Variants in STX8 observed in about 807,000 individuals in gnomAD.
The protein encoded by STX8 is syntaxin-8.
In STX8, 23 loss-of-function variants were observed where a neutral mutation model predicts 37.5. That is an observed-to-expected ratio of 0.61 (90% confidence interval 0.44 to 0.87). The LOEUF is 0.87. Among genes scored for constraint, STX8 ranks in the 40% least tolerant of loss-of-function variants. The probability of loss-of-function intolerance (pLI) is 0.00; values close to 1 mark genes in which losing one functional copy is unlikely to be tolerated. For synonymous variants in STX8, 115 were observed against 99.1 expected, an observed-to-expected ratio of 1.16 and a Z score of -0.95; for missense variants, 313 against 284.7, an observed-to-expected ratio of 1.10 and a Z score of -0.71.
chr17:9,571,313 T>C (rs1239705401), intron 1 of STX8, among the ~76,000 whole-genome samples: 1 of 152,168 alleles, frequency 6.6e-6, no homozygotes, highest in Non-Finnish European at 1.5e-5. Flanking sequence ...GCATTCTGAC[T>C]CAACTGGTAT....
intron 7 of STX8, among the ~76,000 whole-genome samples, chr17:9,314,692 G>A (rs1909320336): frequency 6.6e-6 from 1 of 150,784 alleles, no homozygotes; most frequent in Admixed American, 6.6e-5. Flanking sequence ...ACAGGCATGA[G>A]CCACCATGCC....
chr17:9,280,325 C>G (rs1288475107), intron 7 of STX8, among the ~76,000 whole-genome samples: 1 of 152,126 alleles, frequency 6.6e-6, no homozygotes, highest in East Asian at 1.9e-4. Context: ...TTTGGGAGAC[C>G]AAGGCGGGTG....
At chr17:9,509,625 T>C (rs1019837326) in intron 4 of STX8, among the ~76,000 whole-genome samples, 1 of 151,686 alleles carries the variant, frequency 6.6e-6, no homozygotes, top group Non-Finnish European at 1.5e-5. Flanking sequence ...GTAGAGCCAA[T>C]ATACAAAGGA....
chr17:9,384,126 A>T (rs115163563), intron 6 of STX8, among the ~76,000 whole-genome samples: 2,864 of 139,534 alleles, frequency 0.021, 86 homozygotes, highest in African/African-American at 0.073. Context: ...CTCATTTGTT[A>T]TTTTTTTTTT....
chr17:9,528,492 T>C (rs1567598598), intron 4 of STX8, among the ~76,000 whole-genome samples: 1 of 152,120 alleles, frequency 6.6e-6, no homozygotes, highest in Admixed American at 6.5e-5. Flanking sequence ...GAGATGTATT[T>C]AGTAGAGAGT....
chr17:9,298,195 T>C (rs1239092036), intron 7 of STX8, among the ~76,000 whole-genome samples: 1 of 152,120 alleles, frequency 6.6e-6, no homozygotes, highest in Non-Finnish European at 1.5e-5. Flanking sequence ...GATGAACTGA[T>C]GGGAGTCCTT....
At chr17:9,267,091 C>T (rs34761447) in intron 7 of STX8, among the ~76,000 whole-genome samples, 12,136 of 152,122 alleles carry the variant, frequency 0.08, 620 homozygotes, top group East Asian at 0.18. Flanking sequence ...AAAGGGTGAA[C>T]GCGTGTGTGA....
intron 7 of STX8, among the ~76,000 whole-genome samples, chr17:9,349,364 A>G (rs534701184): frequency 9.1e-4 from 113 of 124,428 alleles, no homozygotes; most frequent in Non-Finnish European, 1.5e-3. Flanking sequence ...CTTGTTGTCC[A>G]GGCTAGAGTG....
At chr17:9,479,313 C>T (rs1290040164) in intron 6 of STX8, among the ~76,000 whole-genome samples, 1 of 152,046 alleles carries the variant, frequency 6.6e-6, no homozygotes, top group Non-Finnish European at 1.5e-5. Context: ...GTGGGTGGAT[C>T]ACCTGAGGTC....
intron 6 of STX8, among the ~76,000 whole-genome samples, chr17:9,385,543 A>G (rs1452715189): frequency 6.6e-6 from 1 of 152,248 alleles, no homozygotes; most frequent in Non-Finnish European, 1.5e-5. Flanking sequence ...CAAATGGCCA[A>G]TAAACACATG....
intron 7 of STX8, among the ~76,000 whole-genome samples, chr17:9,287,665 G>C (rs1908128146): frequency 6.6e-6 from 1 of 152,090 alleles, no homozygotes; most frequent in Non-Finnish European, 1.5e-5. Flanking sequence ...CAATGACTAG[G>C]TCCTCCCCTG....
intron 7 of STX8, among the ~76,000 whole-genome samples, chr17:9,335,461 C>A (rs1257215930): frequency 6.6e-6 from 1 of 152,152 alleles, no homozygotes; most frequent in Non-Finnish European, 1.5e-5. Flanking sequence ...AAAGGTCTCA[C>A]CTCTTAAGAC....
intron 7 of STX8, among the ~76,000 whole-genome samples, chr17:9,307,078 C>T (rs1203883183): frequency 1.3e-5 from 2 of 152,096 alleles, no homozygotes. Flanking sequence ...GAGCTGAGAT[C>T]CTGCCACTGC....
chr17:9,311,974 A>T (rs1909206961), intron 7 of STX8, among the ~76,000 whole-genome samples: 1 of 151,130 alleles, frequency 6.6e-6, no homozygotes, highest in Admixed American at 6.6e-5. Context: ...CAGCCTCCCG[A>T]GTAGCTGAGA....
intron 6 of STX8, among the ~76,000 whole-genome samples, chr17:9,459,767 G>A (rs72818033): frequency 0.12 from 18,103 of 152,176 alleles, 1,366 homozygotes; most frequent in Non-Finnish European, 0.17. Context: ...CACCTGCCTC[G>A]GCCTCCCGAA....
chr17:9,407,451 C>G (rs1912841045), intron 6 of STX8, among the ~76,000 whole-genome samples: 1 of 152,158 alleles, frequency 6.6e-6, no homozygotes, highest in Non-Finnish European at 1.5e-5. Flanking sequence ...AATGTGTTGA[C>G]AAAAGGAGTC....
chr17:9,338,891 GA>G (rs1223292550), intron 7 of STX8, among the ~76,000 whole-genome samples: 1 of 151,912 alleles, frequency 6.6e-6, no homozygotes, highest in Non-Finnish European at 1.5e-5. Flanking sequence ...CTAACACAGT[GA>G]AACCCTGTCT....
intron 3 of STX8, chr17:9,556,750 AAT>A (rs575240217): frequency 7.0e-4 from 70 of 99,540 alleles, no homozygotes; most frequent in African/African-American, 2.5e-3. Flanking sequence ...GAATTTCTAA[AAT>A]ATATATATAT....
chr17:9,501,709 C>T (rs1438597884), intron 5 of STX8, among the ~76,000 whole-genome samples: 1 of 151,766 alleles, frequency 6.6e-6, no homozygotes, highest in Non-Finnish European at 1.5e-5. Flanking sequence ...CACGGTGGCT[C>T]ACGCCTGTAA....
Sources: allele counts gnomAD v4.1 joint callset (sites outside exome capture counted in the v4.1 genomes callset), GRCh38; gene constraint gnomAD v4.1.1; transcripts MANE v1.5; gene names NCBI Gene and HGNC (gene_info 2026-07-23, HGNC 2026-07-21).